The following DEPTOR variants were observed in gnomAD, a reference collection of about 807,000 sequenced individuals.
DEPTOR encodes DEP domain containing MTOR interacting protein.
Under a neutral mutation model 41.6 loss-of-function variants are expected in DEPTOR, and 41 were observed. The observed-to-expected ratio is 0.98, with a 90% CI of 0.77 to 1.28. The LOEUF is 1.28. DEPTOR is among the 50% of genes most tolerant of loss of function. DEPTOR has a pLI of 0.00. For synonymous variants in DEPTOR, 195 were observed against 192.3 expected, an observed-to-expected ratio of 1.01 and a Z score of -0.12; for missense variants, 514 against 527.9, an observed-to-expected ratio of 0.97 and a Z score of 0.26.
At chr8:120,048,953 C>T (rs1315946501) in intron 8 of DEPTOR, among the ~76,000 whole-genome samples, 3 of 152,066 alleles carry the variant, frequency 2.0e-5, no homozygotes, top group Admixed American at 2.0e-4. Context: ...CAGAGCTTTC[C>T]AATACTCTTC....
intron 1 of DEPTOR, among the ~76,000 whole-genome samples, chr8:119,887,545 G>A (rs976866886): frequency 8.9e-5 from 11 of 124,044 alleles, no homozygotes; most frequent in Admixed American, 2.6e-4. Context: ...TGTCACCCAG[G>A]CTGGAGTTCA....
chr8:119,991,961 G>A (rs1177069208), intron 4 of DEPTOR, among the ~76,000 whole-genome samples: 1 of 152,158 alleles, frequency 6.6e-6, no homozygotes, highest in Admixed American at 6.5e-5. Context: ...ATCTATCCCT[G>A]GATGTGTGAA....
At chr8:119,939,435 A>G (rs1260229321) in intron 3 of DEPTOR, among the ~76,000 whole-genome samples, 1 of 152,210 alleles carries the variant, frequency 6.6e-6, no homozygotes, top group East Asian at 1.9e-4. Flanking sequence ...ATGTGTGAAC[A>G]CAGAGCTATT....
chr8:119,938,344 A>C (rs1206693169), intron 3 of DEPTOR, among the ~76,000 whole-genome samples: 1 of 152,198 alleles, frequency 6.6e-6, no homozygotes, highest in African/African-American at 2.4e-5. Context: ...TAAAAGTTTT[A>C]AGCCTATGCT....
At chr8:120,025,232 C>T (rs1037065436) in intron 8 of DEPTOR, among the ~76,000 whole-genome samples, 1 of 152,186 alleles carries the variant, frequency 6.6e-6, no homozygotes, top group Non-Finnish European at 1.5e-5. Flanking sequence ...GACGGATTCT[C>T]AAATACATAT....
chr8:119,938,834 T>C (rs1828161409), intron 3 of DEPTOR, among the ~76,000 whole-genome samples: 1 of 151,800 alleles, frequency 6.6e-6, no homozygotes, highest in Admixed American at 6.6e-5. Flanking sequence ...CCTTCTTTCC[T>C]TCCTTCCTCC....
At chr8:119,992,358 CCTT>C (rs1235068149) in intron 4 of DEPTOR, among the ~76,000 whole-genome samples, 2 of 152,150 alleles carry the variant, frequency 1.3e-5, no homozygotes, top group African/African-American at 2.4e-5. Context: ...ATCTTGCTGA[CCTT>C]CTTCTTCCTC....
chr8:119,918,930 G>A (rs1425361078), intron 1 of DEPTOR, among the ~76,000 whole-genome samples: 1 of 128,436 alleles, frequency 7.8e-6, no homozygotes, highest in African/African-American at 3.0e-5. Flanking sequence ...GCAGCTATTT[G>A]CATAGTGAGT....
intron 1 of DEPTOR, among the ~76,000 whole-genome samples, chr8:119,908,285 T>C (rs1827693288): frequency 6.6e-6 from 1 of 152,076 alleles, no homozygotes; most frequent in East Asian, 1.9e-4. Context: ...CCCTCTAATA[T>C]ACTGGATAAA....
At chr8:119,936,275 T>C (rs916138451) in intron 3 of DEPTOR, among the ~76,000 whole-genome samples, 3 of 152,194 alleles carry the variant, frequency 2.0e-5, no homozygotes, top group Non-Finnish European at 4.4e-5. Flanking sequence ...TTCTCTACCC[T>C]GTGTGTTAGG....
intron 8 of DEPTOR, among the ~76,000 whole-genome samples, chr8:120,045,147 C>T (rs1813135289): frequency 6.6e-6 from 1 of 152,104 alleles, no homozygotes; most frequent in African/African-American, 2.4e-5. Context: ...GAGCAGTTCA[C>T]GGTGTGCTTG....
chr8:119,954,845 G>GGGGTGT (rs1554676027), intron 3 of DEPTOR, among the ~76,000 whole-genome samples: 1 of 147,948 alleles, frequency 6.8e-6, no homozygotes, highest in African/African-American at 2.5e-5. Flanking sequence ...GGCAAATATT[G>GGGGTGT]GTGTGTGTGT....
chr8:120,005,763 A>G (rs1812427754), intron 6 of DEPTOR, among the ~76,000 whole-genome samples: 1 of 152,042 alleles, frequency 6.6e-6, no homozygotes, highest in East Asian at 1.9e-4. Flanking sequence ...GGGGGGGTTC[A>G]TTATCGGTGG....
chr8:120,048,132 C>T (rs1356145330), intron 8 of DEPTOR, among the ~76,000 whole-genome samples: 1 of 152,090 alleles, frequency 6.6e-6, no homozygotes, highest in Non-Finnish European at 1.5e-5. Context: ...AGAGGGCACT[C>T]ACCTGGCAAC....
chr8:120,021,165 G>T (rs1210784974), intron 8 of DEPTOR, among the ~76,000 whole-genome samples: 1 of 152,100 alleles, frequency 6.6e-6, no homozygotes, highest in Non-Finnish European at 1.5e-5. Flanking sequence ...CACTTTGGGA[G>T]GCCAAGGCGG....
chr8:120,007,791 C>T (rs1812467421), intron 7 of DEPTOR, among the ~76,000 whole-genome samples: 1 of 152,176 alleles, frequency 6.6e-6, no homozygotes, highest in Non-Finnish European at 1.5e-5. Context: ...AGATAAACTC[C>T]ACCTTCGGAA....
At chr8:120,008,453 C>G (rs772975183) in intron 7 of DEPTOR, among the ~76,000 whole-genome samples, 1 of 138,312 alleles carries the variant, frequency 7.2e-6, no homozygotes. Flanking sequence ...CGCTTGAACC[C>G]GGGAGGTGGG....
At chr8:120,045,605 G>A (rs1297190528) in intron 8 of DEPTOR, among the ~76,000 whole-genome samples, 1 of 152,140 alleles carries the variant, frequency 6.6e-6, no homozygotes, top group African/African-American at 2.4e-5. Context: ...GAACTCCTGA[G>A]CTCGAGTGAT....
intron 8 of DEPTOR, among the ~76,000 whole-genome samples, chr8:120,030,020 C>T (rs936165376): frequency 6.6e-6 from 1 of 152,136 alleles, no homozygotes; most frequent in African/African-American, 2.4e-5. Flanking sequence ...GGAGTGACTG[C>T]CTGCATGTAC....
Sources: gnomAD v4.1 joint callset for allele counts (sites outside exome capture counted in the v4.1 genomes callset) on GRCh38, gnomAD v4.1.1 for gene constraint, MANE v1.5 for transcripts, NCBI Gene and HGNC (gene_info 2026-07-23, HGNC 2026-07-21) for gene names.